TRMT9B: variants seen among roughly 807,000 people sequenced by gnomAD.
TRMT9B encodes probable tRNA methyltransferase 9B.
A neutral mutation model predicts 11.5 loss-of-function variants in TRMT9B; 16 were observed. The ratio of observed to expected loss-of-function variants is 1.39; its 90% CI spans 0.94 to 2.11. The LOEUF is 2.11. Among genes scored for constraint, TRMT9B ranks in the 30% most tolerant of loss-of-function variants. The pLI is 0.00. For missense variants in TRMT9B, 941 were observed against 553.8 expected (o/e 1.70, Z -7.02); for synonymous variants, 274 against 192.4 (o/e 1.42, Z -3.51).
At chr8:12,958,350 A>G (rs1006653720) in intron 1 of TRMT9B, 17 of 152,180 alleles carry the variant, frequency 1.1e-4, no homozygotes, top group Non-Finnish European at 7.3e-5. Context: ...TATATACCCA[A>G]GTATTGGTTT....
At chr8:13,010,752 G>A (rs941643395) in intron 3 of TRMT9B, 4 of 984,066 alleles carry the variant, frequency 4.1e-6, no homozygotes, top group Non-Finnish European at 4.8e-6. Flanking sequence ...CAATGAAAAA[G>A]CAAATGAATT....
chr8:13,006,396 AGCCTCATCGCTGACATAGGTAACCAG>A (rs772062319), intron 3 of TRMT9B, 40 bp downstream of exon 3: 1 of 1,216,662 alleles, frequency 8.2e-7, no homozygotes, highest in Non-Finnish European at 1.1e-6. Context: ...GTAACCAGGC[AGCCTCATCGCTGACATAGGTAACCAG>A]GCAGCCTCAT....
chr8:13,021,144 C>A lies in TRMT9B; in HGVS notation c.465C>A (p.Asp155Glu), dbSNP rs748847588. The A allele has an allele frequency of 1.9e-6, 3 of 1,613,852 alleles. No homozygotes were observed. The highest frequency in any genetic ancestry group is 2.5e-6 in the Non-Finnish European group (3 of 1,179,796). Residue 155 changes from aspartate to glutamate, a missense_variant, in exon 5 of 5, where the codon GAC becomes GAA. Coordinates refer to ENST00000524591, the MANE Select transcript of TRMT9B (RefSeq NM_020844.3). ...AGAACCGTCACTTTGAGAAGCAAGA[C>A]GTGCTTGTTCCATGGAACAGGGCTC... ...EQKNRHFEKQ[D>E]VLVPWNRALC...
chr8:12,970,607 A>G (rs974386730), intron 1 of TRMT9B, among the ~76,000 whole-genome samples: 3 of 152,232 alleles, frequency 2.0e-5, no homozygotes, highest in Non-Finnish European at 2.9e-5. Flanking sequence ...AATGTATTCA[A>G]ATGTGTGAGA....
At chr8:13,014,639 A>G (rs899395541) in intron 4 of TRMT9B, among the ~76,000 whole-genome samples, 3 of 152,208 alleles carry the variant, frequency 2.0e-5, no homozygotes, top group Non-Finnish European at 4.4e-5. Context: ...TTGGTCTCAG[A>G]GGCCACAAAC....
At chr8:12,974,261 T>A (rs1804077435) in intron 1 of TRMT9B, among the ~76,000 whole-genome samples, 1 of 151,616 alleles carries the variant, frequency 6.6e-6, no homozygotes, top group Admixed American at 6.6e-5. Flanking sequence ...CATTAACTAC[T>A]GAGTTGGGAG....
intron 4 of TRMT9B, among the ~76,000 whole-genome samples, chr8:13,017,357 C>G (rs372191403): frequency 6.6e-6 from 1 of 152,144 alleles, no homozygotes; most frequent in African/African-American, 2.4e-5. Context: ...TTCAACCTAC[C>G]TACTGTCTGG....
At chr8:12,970,301 C>T (rs1489225919) in intron 1 of TRMT9B, among the ~76,000 whole-genome samples, 1 of 152,196 alleles carries the variant, frequency 6.6e-6, no homozygotes, top group Non-Finnish European at 1.5e-5. Context: ...TTATGTAAGC[C>T]TATTTCTCCT....
intron 2 of TRMT9B, among the ~76,000 whole-genome samples, chr8:13,004,335 G>C (rs1201468670): frequency 6.6e-6 from 1 of 151,886 alleles, no homozygotes; most frequent in Non-Finnish European, 1.5e-5. Context: ...ACACCAGCTA[G>C]GGCTGCTAAG....
rs2460338 is a variant in TRMT9B, at chr8:13,012,651, G to T, written c.155-33G>T. 1.9e-6 allele frequency: 3 copies of T among 1,577,010 alleles called. No individual in the cohort carries two copies. Among genetic ancestry groups the T allele is most frequent in the Middle Eastern group, 1.7e-4 (1 of 5,912 alleles). The stretch of plus-strand genomic sequence containing the variant: ...TGAAGTATTTCACATTTTCCATTGA[G>T]GATAGCATGTAACGCAGGTTTTTCT... On this transcript the variant is annotated intron_variant, in intron 3 of 4. Transcript: ENST00000524591.
At chr8:13,011,639 T>G (rs1811631661) in intron 3 of TRMT9B, 1 of 976,036 alleles carries the variant, frequency 1.0e-6, no homozygotes, top group Non-Finnish European at 1.2e-6. Context: ...ACTACCTACC[T>G]CAATCATAAC....
chr8:13,025,416 C>T lies in TRMT9B; in HGVS notation c.*3372C>T. On this transcript the variant is annotated 3_prime_UTR_variant, in exon 5 of 5. Transcript: ENST00000524591. ...CCTGTAATCCCAGCTACTTGGGAGG[C>T]TGAGGCAGGAGAATCGCTTGAACCT... is the stretch of plus-strand genomic sequence containing the variant. 1 of 157,704 alleles carries T rather than the reference C, an allele frequency of 6.3e-6. No individual in the cohort carries two copies. The highest frequency in any genetic ancestry group is 1.5e-5 in the Non-Finnish European group (1 of 68,258). 9.8% of individuals were successfully genotyped at this position (157,704 alleles called of 1,614,324 possible). A position where few individuals can be genotyped will look rare whatever the true frequency, so the allele number is the denominator to read the frequency against.
rs192626924 is a variant in TRMT9B at position 12,948,934 on chromosome 8, T to A, written c.-200+2968T>A. ...GAGATCGCACCACTGCACTCCAGCC[T>A]GGGTGACAGGGCAAGACTCCGTTTC... On this transcript the variant is annotated intron_variant, in intron 1 of 4. Transcript: ENST00000524591. Among the ~76,000 whole-genome samples, 247 of 152,316 alleles carry A rather than the reference T, an allele frequency of 1.6e-3. 1 individual carries two copies. Among genetic ancestry groups the A allele is most frequent in the African/African-American group, 5.6e-3 (234 of 41,564 alleles).
chr8:13,014,475 G>T (rs1354445820), intron 4 of TRMT9B, among the ~76,000 whole-genome samples: 1 of 152,212 alleles, frequency 6.6e-6, no homozygotes, highest in South Asian at 2.1e-4. Context: ...GGAAGAAGAA[G>T]GGGAGAATGA....
At chr8:12,951,799 G>A (rs1026968071) in intron 1 of TRMT9B, 1 of 151,900 alleles carries the variant, frequency 6.6e-6, no homozygotes, top group Non-Finnish European at 1.5e-5. Flanking sequence ...CGGTAGCTGC[G>A]CTTCCCGCGC....
rs960292073 is a variant in TRMT9B at position 13,024,513 on chromosome 8, A to G, written c.*2469A>G. ...AAGCCTATTGTCACATGGGTTTTTA[A>G]TCCTGGCCTTGCTGCTAGAAATCTG... On this transcript the variant is annotated 3_prime_UTR_variant, in exon 5 of 5. Transcript: ENST00000524591. 1 of 167,020 alleles carries G rather than the reference A, an allele frequency of 6.0e-6. No individual in the cohort carries two copies. Among genetic ancestry groups the G allele is most frequent in the Non-Finnish European group, 1.5e-5 (1 of 68,122 alleles). The allele number at this position is 167,020 out of a possible 1,614,324, so 10.3% of individuals were successfully genotyped here.
In TRMT9B at chr8:13,021,427, T is replaced by A. The variant is rs1285424300; in HGVS notation, c.748T>A (p.Trp250Arg). ...YSTLGKSFRSWFFSRSLDEST... is the reference protein window; with the variant it reads ...YSTLGKSFRSRFFSRSLDEST... ...CACATTAGGAAAATCGTTTCGTTCC[T>A]GGTTTTTCTCCAGATCTTTGGATGA... The change falls in exon 5 of 5, where the codon TGG becomes AGG. Residue 250 changes from tryptophan to arginine, a missense_variant. Transcript: ENST00000524591. The A allele has an allele frequency of 1.2e-6, 2 of 1,613,956 alleles. No homozygotes were observed. The highest frequency in any genetic ancestry group is 3.3e-5 in the Admixed American group (2 of 60,014).
At position 12,990,934 on chromosome 8, in the gene TRMT9B, A is replaced by G; in HGVS notation, c.-99A>G. The G allele has an allele frequency of 7.0e-6, 9 of 1,289,254 alleles. No individual in the cohort carries two copies. The highest frequency in any genetic ancestry group is 9.1e-6 in the Non-Finnish European group (9 of 988,488). The allele number at this position is 1,289,254 out of a possible 1,614,324, so 79.9% of individuals were successfully genotyped here. A position where few individuals can be genotyped will look rare whatever the true frequency, so the allele number is the denominator to read the frequency against. On this transcript the variant is annotated 5_prime_UTR_variant, in exon 2 of 5. Transcript: ENST00000524591. ...AAGTTTTCATTTACGTTACACATTG[A>G]GAAAGTTATGAGAAGCAACTGTCAC...
At chr8:12,983,555 A>C (rs1805756706) in intron 1 of TRMT9B, among the ~76,000 whole-genome samples, 1 of 152,256 alleles carries the variant, frequency 6.6e-6, no homozygotes. Flanking sequence ...CTGTAATCTC[A>C]GCTGCTCAGG....
Sources: allele counts gnomAD v4.1 joint callset (sites outside exome capture counted in the v4.1 genomes callset), GRCh38; gene constraint gnomAD v4.1.1; transcripts MANE v1.5; gene names NCBI Gene and HGNC (gene_info 2026-07-23, HGNC 2026-07-21).